NARS2: variants seen among roughly 807,000 people sequenced by gnomAD.
NARS2 encodes asparaginyl-tRNA synthetase 2, mitochondrial.
In NARS2, 60 loss-of-function variants were observed where a neutral mutation model predicts 62.9. The observed-to-expected ratio is 0.95, with a 90% confidence interval of 0.77 to 1.18. The LOEUF is 1.18. Ranked by LOEUF, NARS2 falls within the 50% of genes most tolerant of loss-of-function variation. The probability of loss-of-function intolerance (pLI) is 0.00; values close to 1 mark genes in which losing one functional copy is unlikely to be tolerated. For synonymous variants in NARS2, 196 were observed against 200.0 expected (o/e 0.98, Z 0.17); for missense variants, 619 against 576.4 (o/e 1.07, Z -0.76).
In NARS2 at chr11:78,570,883, C is replaced by A. The variant is rs1022782971; in HGVS notation, c.251+452G>T. Among the ~76,000 whole-genome samples, 3 of 152,138 alleles carry A rather than the reference C, an allele frequency of 2.0e-5. No individual in the cohort carries two copies. The South Asian group carries it at 6.2e-4, about 32-fold the overall frequency. Reference sequence around the variant, plus strand: ...CAGTTGATTACCATTCAATGTGATACATTTTAAGACAGATGTAGGCACGGG... The same window carrying A: ...CAGTTGATTACCATTCAATGTGATAAATTTTAAGACAGATGTAGGCACGGG... On this transcript the variant is annotated intron_variant, in intron 2 of 13. Transcript: ENST00000281038.
At chr11:78,558,436 G>A (rs1410415996) in intron 5 of NARS2, 1 of 152,186 alleles carries the variant, frequency 6.6e-6, no homozygotes, top group Non-Finnish European at 1.5e-5. Flanking sequence ...ACCGGAGAAA[G>A]CAGTTACATA....
Position 78,528,825 on chromosome 11 carries a change from A to G in NARS2, c.689+17T>C. 2 of 1,556,124 alleles carry G rather than the reference A, an allele frequency of 1.3e-6. No homozygotes were observed. Among genetic ancestry groups the G allele is most frequent in the Non-Finnish European group, 1.8e-6 (2 of 1,128,904 alleles). On this transcript the variant is annotated intron_variant, in intron 6 of 13. Coordinates refer to ENST00000281038, the MANE Select transcript of NARS2 (RefSeq NM_024678.6). ...ACCATAATATATCAAAGCAAAAGAGAAAGGAAAATTTCATACCCTGACATC... is the reference window on the plus strand; with the variant it reads ...ACCATAATATATCAAAGCAAAAGAGGAAGGAAAATTTCATACCCTGACATC...
intron 6 of NARS2, among the ~76,000 whole-genome samples, chr11:78,509,831 AAAAAAAAAAAAG>A (rs1160991710): frequency 2.0e-5 from 3 of 150,956 alleles, no homozygotes; most frequent in Admixed American, 2.0e-4. Flanking sequence ...TGTCTCAAAA[AAAAAAAAAAAAG>A]AAAAGAAAAG....
chr11:78,461,378 G>GATC (rs1218399080), intron 11 of NARS2, among the ~76,000 whole-genome samples: 1 of 151,984 alleles, frequency 6.6e-6, no homozygotes. Context: ...CAGGGATAAT[G>GATC]TGATGTCACA....
chr11:78,537,808 G>A (rs879821216), intron 5 of NARS2, among the ~76,000 whole-genome samples: 34 of 152,074 alleles, frequency 2.2e-4, no homozygotes, highest in Non-Finnish European at 4.3e-4. Context: ...TAATACGTAC[G>A]TACATACATA....
chr11:78,515,996 T>A (rs1041111722), intron 6 of NARS2, among the ~76,000 whole-genome samples: 6 of 152,224 alleles, frequency 3.9e-5, no homozygotes, highest in Non-Finnish European at 7.3e-5. Flanking sequence ...GTACTAAACA[T>A]ATCCAGTATC....
intron 5 of NARS2, among the ~76,000 whole-genome samples, chr11:78,540,648 G>C (rs1210946448): frequency 6.6e-6 from 1 of 152,152 alleles, no homozygotes; most frequent in African/African-American, 2.4e-5. Context: ...GATGAAGCAT[G>C]GTTCAGAAAT....
intron 6 of NARS2, among the ~76,000 whole-genome samples, chr11:78,505,009 T>C (rs1441150793): frequency 6.6e-6 from 1 of 151,924 alleles, no homozygotes; most frequent in African/African-American, 2.4e-5. Context: ...GTTTCCGTGG[T>C]TTCTATAATT....
chr11:78,443,723 C>T lies in NARS2; in HGVS notation c.1200G>A (p.Gly400=). The change falls in exon 12 of 14, where the codon GGG becomes GGA. Residue 400 remains glycine, a synonymous_variant. Coordinates refer to ENST00000281038, the MANE Select transcript of NARS2 (RefSeq NM_024678.6). ...AAVDLLVPGV[G]ELFGGGLREE... ...CTCTGAGGCCTCCTCCAAAGAGTTC[C>T]CCAACTCCAGGAACCAGAAGATCAA... The T allele has an allele frequency of 6.2e-7, 1 of 1,613,744 alleles. No homozygotes were observed. The highest frequency in any genetic ancestry group is 8.5e-7 in the Non-Finnish European group (1 of 1,179,812).
chr11:78,571,453 G>A lies in NARS2; in HGVS notation c.142-9C>T, dbSNP rs770359422. The A allele has an allele frequency of 3.8e-6, 6 of 1,588,230 alleles. No homozygotes were observed. In the Admixed American group the frequency reaches 8.4e-5, roughly 22 times the overall value. On this transcript the variant is annotated splice_polypyrimidine_tract_variant and intron_variant, in intron 1 of 13. Coordinates refer to ENST00000281038, the MANE Select transcript of NARS2 (RefSeq NM_024678.6). ...ACAGAACGAATCCATCCCTAAGGAAGAGAAATATTTCCAATGTGAGCGTAA... is the reference window on the plus strand; with the variant it reads ...ACAGAACGAATCCATCCCTAAGGAAAAGAAATATTTCCAATGTGAGCGTAA...
At chr11:78,530,519 G>C (rs1308816352) in intron 5 of NARS2, among the ~76,000 whole-genome samples, 1 of 152,124 alleles carries the variant, frequency 6.6e-6, no homozygotes, top group African/African-American at 2.4e-5. Flanking sequence ...TGTCGCCCAG[G>C]CTGAAGTGCA....
intron 5 of NARS2, among the ~76,000 whole-genome samples, chr11:78,547,341 T>C (rs1489061271): frequency 6.6e-6 from 1 of 152,174 alleles, no homozygotes; most frequent in East Asian, 1.9e-4. Flanking sequence ...CAAATTTTAA[T>C]TCAAAATTCT....
At chr11:78,532,577 C>CCTAG (rs1442757637) in intron 5 of NARS2, among the ~76,000 whole-genome samples, 1 of 152,144 alleles carries the variant, frequency 6.6e-6, no homozygotes, top group Non-Finnish European at 1.5e-5. Context: ...GATTGTAAGA[C>CCTAG]CTAGCTCATA....
At chr11:78,501,163 A>T (rs1860269830) in intron 6 of NARS2, among the ~76,000 whole-genome samples, 1 of 152,256 alleles carries the variant, frequency 6.6e-6, no homozygotes, top group African/African-American at 2.4e-5. Context: ...CATATTTTTT[A>T]TGAAACATAA....
chr11:78,557,249 T>C (rs1469733363), intron 5 of NARS2, among the ~76,000 whole-genome samples: 2 of 152,218 alleles, frequency 1.3e-5, no homozygotes, highest in Non-Finnish European at 1.5e-5. Context: ...TGACACTTCA[T>C]TTCTGTCAGA....
At chr11:78,540,199 T>A (rs934844221) in intron 5 of NARS2, among the ~76,000 whole-genome samples, 2 of 152,124 alleles carry the variant, frequency 1.3e-5, no homozygotes, top group Admixed American at 1.3e-4. Context: ...CCAAAAAAAT[T>A]TTTTTAATGT....
rs770423552 is a variant in NARS2, at chr11:78,568,715, G to A, written c.289C>T (p.Gln97Ter). The change falls in exon 3 of 14, where the codon CAG (glutamine) becomes TAG (stop). Residue 97 changes from glutamine (Q) to a stop codon, truncating the protein, a stop_gained. Transcript: ENST00000281038. LOFTEE classifies it high-confidence loss of function. ...CTTTTGGATGGACTTTTTATCAGCTGCCCTTGTACTTCCACAGAACTCCCA... is the reference window on the plus strand; with the variant it reads ...CTTTTGGATGGACTTTTTATCAGCTACCCTTGTACTTCCACAGAACTCCCA... ...NFGSSVEVQG[Q>*]LIKSPSKRQN... 2.9e-5 allele frequency: 47 copies of A among 1,611,150 alleles called. No individual in the cohort carries two copies. Among genetic ancestry groups the A allele is most frequent in the Non-Finnish European group, 3.9e-5 (46 of 1,178,018 alleles).
intron 5 of NARS2, among the ~76,000 whole-genome samples, chr11:78,546,793 A>T (rs1464577894): frequency 6.6e-6 from 1 of 152,232 alleles, no homozygotes; most frequent in African/African-American, 2.4e-5. Flanking sequence ...AACAAAAATC[A>T]AAGACGGAAC....
Position 78,568,896 on chromosome 11 carries a change from T to A in NARS2, c.252-144A>T, listed in dbSNP as rs761605822. On this transcript the variant is annotated intron_variant, in intron 2 of 13. Coordinates refer to ENST00000281038, the MANE Select transcript of NARS2 (RefSeq NM_024678.6). ...TTAAATAATCTTCAGAATCTATGGATAATCTGTCGTATAAATAGAGCATAA... is the reference window on the plus strand; with the variant it reads ...TTAAATAATCTTCAGAATCTATGGAAAATCTGTCGTATAAATAGAGCATAA... 22 of 587,254 alleles carry A rather than the reference T, an allele frequency of 3.7e-5. 1 individual carries two copies. The highest frequency in any genetic ancestry group is 6.0e-5 in the Non-Finnish European group (21 of 351,700). 36.4% of individuals were successfully genotyped at this position (587,254 alleles called of 1,614,324 possible). A position where few individuals can be genotyped will look rare whatever the true frequency, so the allele number is the denominator to read the frequency against.
Sources: gnomAD v4.1 joint callset for allele counts (sites outside exome capture counted in the v4.1 genomes callset) on GRCh38, gnomAD v4.1.1 for gene constraint, MANE v1.5 for transcripts, NCBI Gene and HGNC (gene_info 2026-07-23, HGNC 2026-07-21) for gene names.